RPSA2: variants seen among roughly 807,000 people sequenced by gnomAD.
RPSA2 encodes the protein small ribosomal subunit protein uS2B.
At chr19:23,853,677 T>C in the RPSA2 span, among the ~76,000 whole-genome samples, 4 of 152,146 alleles carry the variant, frequency 2.6e-5, no homozygotes, top group African/African-American at 9.7e-5. Flanking sequence ...ATATGTTGGG[T>C]GGGAGCACTA....
At chr19:23,827,537 G>A in the RPSA2 span, 1 of 1,596,594 alleles carries the variant, frequency 6.3e-7, no homozygotes, top group Non-Finnish European at 8.5e-7. Context: ...TGTGGTTACT[G>A]ACCCCAGGGC....
the RPSA2 span, among the ~76,000 whole-genome samples, chr19:23,791,737 T>G: frequency 6.8e-6 from 1 of 147,104 alleles, no homozygotes; most frequent in South Asian, 2.2e-4. Context: ...AATCTTTTCT[T>G]TTTTTTTTTT....
chr19:23,761,715 CA>C, the RPSA2 span, among the ~76,000 whole-genome samples: 563 of 151,934 alleles, frequency 3.7e-3, 4 homozygotes, highest in African/African-American at 0.013. Flanking sequence ...AGGACATCCA[CA>C]AAGGACAGTT....
At chr19:23,821,606 G>T in the RPSA2 span, among the ~76,000 whole-genome samples, 8 of 152,322 alleles carry the variant, frequency 5.3e-5, no homozygotes, top group South Asian at 1.4e-3. Flanking sequence ...GCCCGATCAG[G>T]TCGGCATCTG....
At chr19:23,779,920 T>C in the RPSA2 span, among the ~76,000 whole-genome samples, 1 of 152,296 alleles carries the variant, frequency 6.6e-6, no homozygotes. Flanking sequence ...GTGACTCTCC[T>C]GCCTTGTCAC....
the RPSA2 span, among the ~76,000 whole-genome samples, chr19:23,792,591 G>GTTTTTTTT: frequency 2.1e-5 from 3 of 144,242 alleles, no homozygotes; most frequent in Non-Finnish European, 4.5e-5. Flanking sequence ...TTTTGTTTTT[G>GTTTTTTTT]TTTTTTTTTT....
the RPSA2 span, chr19:23,807,689 A>G: frequency 4.8e-6 from 1 of 210,326 alleles, no homozygotes. Flanking sequence ...TGTGTTGACA[A>G]TTATTTTATT....
At chr19:23,786,659 T>C in the RPSA2 span, among the ~76,000 whole-genome samples, 1 of 152,200 alleles carries the variant, frequency 6.6e-6, no homozygotes, top group East Asian at 1.9e-4. Context: ...CATAACTCAA[T>C]GTCCATCACC....
the RPSA2 span, among the ~76,000 whole-genome samples, chr19:23,854,046 C>A: frequency 6.6e-6 from 1 of 152,110 alleles, no homozygotes; most frequent in Non-Finnish European, 1.5e-5. Context: ...CTGCTGGAGC[C>A]CATCCCAGGG....
chr19:23,819,498 G>T, the RPSA2 span: 1 of 152,142 alleles, frequency 6.6e-6, no homozygotes, highest in Non-Finnish European at 1.5e-5. Context: ...TCCCATATGG[G>T]TCCCAGTGTT....
the RPSA2 span, chr19:23,758,854 T>C: frequency 4.6e-6 from 7 of 1,511,034 alleles, no homozygotes; most frequent in Admixed American, 3.8e-5. Context: ...CACAGAGCAG[T>C]GAAGACGAGA....
the RPSA2 span, among the ~76,000 whole-genome samples, chr19:23,779,162 G>A: frequency 1.3e-5 from 2 of 151,762 alleles, no homozygotes; most frequent in Non-Finnish European, 2.9e-5. Flanking sequence ...CACCACACCC[G>A]GCTAATTTTT....
At chr19:23,855,661 AGT>A in the RPSA2 span, among the ~76,000 whole-genome samples, 1 of 152,108 alleles carries the variant, frequency 6.6e-6, no homozygotes, top group East Asian at 1.9e-4. Context: ...CTGGTATGAG[AGT>A]GTGAGAAAGG....
the RPSA2 span, among the ~76,000 whole-genome samples, chr19:23,846,426 T>A: frequency 6.6e-6 from 1 of 152,174 alleles, no homozygotes; most frequent in African/African-American, 2.4e-5. Flanking sequence ...TGTCCTATTG[T>A]GATTTATTTA....
the RPSA2 span, chr19:23,758,703 C>G: frequency 6.2e-7 from 1 of 1,614,168 alleles, no homozygotes; most frequent in South Asian, 1.1e-5. Context: ...AGTCCCGCCA[C>G]AGCCCCTTCC....
the RPSA2 span, among the ~76,000 whole-genome samples, chr19:23,866,933 C>T: frequency 6.6e-6 from 1 of 152,136 alleles, no homozygotes; most frequent in African/African-American, 2.4e-5. Context: ...GTAGTTGACT[C>T]TGGTTAAGGA....
chr19:23,760,648 CATATAT>C, the RPSA2 span, among the ~76,000 whole-genome samples: 12 of 135,940 alleles, frequency 8.8e-5, no homozygotes, highest in South Asian at 4.8e-4. Context: ...TTTCTTTCAA[CATATAT>C]ATATATATAT....
chr19:23,867,829 CAAA>C, the RPSA2 span, among the ~76,000 whole-genome samples: 157 of 121,342 alleles, frequency 1.3e-3, no homozygotes, highest in East Asian at 3.7e-3. Context: ...GACTCCGTCT[CAAA>C]AAAAAAAAAA....
the RPSA2 span, among the ~76,000 whole-genome samples, chr19:23,847,420 A>AT: frequency 6.6e-6 from 1 of 152,156 alleles, no homozygotes; most frequent in Non-Finnish European, 1.5e-5. Context: ...AAAGAGAGGA[A>AT]TTTTACAGCT....
Sources: allele counts gnomAD v4.1 joint callset (sites outside exome capture counted in the v4.1 genomes callset), GRCh38; gene constraint gnomAD v4.1.1; transcripts MANE v1.5; gene names NCBI Gene and HGNC (gene_info 2026-07-23, HGNC 2026-07-21).